PPP2R3A: variants seen among roughly 807,000 people sequenced by gnomAD.
PPP2R3A encodes the protein protein phosphatase 2 regulatory subunit B''alpha.
In PPP2R3A, 80 loss-of-function variants were observed where a neutral mutation model predicts 106.9. The ratio of observed to expected loss-of-function variants is 0.75; its 90% CI spans 0.62 to 0.90. The LOEUF is 0.90. Ranked by LOEUF, PPP2R3A falls within the 40% of genes least tolerant of loss-of-function variation. PPP2R3A has a pLI of 0.00. For missense variants in PPP2R3A, 1,386 were observed against 1,350.4 expected (o/e 1.03, Z -0.41); for synonymous variants, 483 against 468.3 (o/e 1.03, Z -0.41).
chr3:136,073,256 C>T (rs370028309), intron 6 of PPP2R3A, among the ~76,000 whole-genome samples: 1 of 152,228 alleles, frequency 6.6e-6, no homozygotes. Flanking sequence ...CATGAGCCAC[C>T]GCACCCAGCC....
chr3:136,127,528 G>T (rs529888667), intron 13 of PPP2R3A, among the ~76,000 whole-genome samples: 1 of 152,030 alleles, frequency 6.6e-6, no homozygotes, highest in East Asian at 1.9e-4. Flanking sequence ...AAACCAAATC[G>T]ACATCTGATT....
At chr3:135,987,059 C>T (rs1343253449) in intron 1 of PPP2R3A, among the ~76,000 whole-genome samples, 1 of 152,130 alleles carries the variant, frequency 6.6e-6, no homozygotes, top group East Asian at 1.9e-4. Context: ...TTTCTCAACA[C>T]CTATCTGACT....
At chr3:136,078,216 A>C in intron 6 of PPP2R3A, 151 bp from the exon 7 acceptor site, 1 of 627,898 alleles carries the variant, frequency 1.6e-6, no homozygotes, top group South Asian at 1.9e-5. Flanking sequence ...AGATTTAAAA[A>C]TACAGTGCTG....
chr3:136,066,962 T>C lies in PPP2R3A; in HGVS notation c.2470-3516T>C, dbSNP rs1382406989. 3.3e-5 allele frequency among the ~76,000 whole-genome samples: 5 copies of C among 152,220 alleles called. No homozygotes were observed. In the East Asian group the frequency reaches 7.7e-4, roughly 23 times the overall value. On this transcript the variant is annotated intron_variant, in intron 5 of 13. Transcript: ENST00000264977. ...CTTTCTTAACATGATGAAATACATATACCTTAGTGTTAAAGCCAATATCTT... is the reference window on the plus strand; with the variant it reads ...CTTTCTTAACATGATGAAATACATACACCTTAGTGTTAAAGCCAATATCTT...
chr3:136,074,593 GT>G (rs532790025), intron 6 of PPP2R3A, among the ~76,000 whole-genome samples: 162 of 152,334 alleles, frequency 1.1e-3, no homozygotes, highest in African/African-American at 3.6e-3. Flanking sequence ...GCTAACTTGA[GT>G]TTTTAAAATA....
chr3:136,101,500 C>T (rs1001177645), intron 10 of PPP2R3A, among the ~76,000 whole-genome samples: 6 of 152,196 alleles, frequency 3.9e-5, no homozygotes, highest in East Asian at 1.9e-4. Flanking sequence ...TCTTGGCTCA[C>T]TGCACCCTCC....
intron 6 of PPP2R3A, 84 bp downstream of exon 6, chr3:136,070,636 A>T (rs553516428): frequency 8.8e-7 from 1 of 1,130,512 alleles, no homozygotes; most frequent in Non-Finnish European, 1.2e-6. Flanking sequence ...TCAAGTATCT[A>T]TGCAAAAGGT....
intron 1 of PPP2R3A, among the ~76,000 whole-genome samples, chr3:135,998,051 C>T (rs1351691510): frequency 6.6e-6 from 1 of 152,176 alleles, no homozygotes; most frequent in Admixed American, 6.5e-5. Context: ...CATACAAAGG[C>T]CAACTGTGAT....
At chr3:136,054,215 T>C (rs1296899897) in intron 5 of PPP2R3A, among the ~76,000 whole-genome samples, 2 of 150,734 alleles carry the variant, frequency 1.3e-5, no homozygotes, top group East Asian at 3.9e-4. Context: ...GCACATTAAA[T>C]ACTACTTTGC....
At chr3:135,999,920 A>G (rs1933555010) in intron 1 of PPP2R3A, among the ~76,000 whole-genome samples, 1 of 151,792 alleles carries the variant, frequency 6.6e-6, no homozygotes, top group African/African-American at 2.4e-5. Flanking sequence ...ACTACAGGCC[A>G]TGTCATCTCC....
At chr3:136,024,589 A>T (rs1934582461) in intron 2 of PPP2R3A, among the ~76,000 whole-genome samples, 1 of 152,132 alleles carries the variant, frequency 6.6e-6, no homozygotes, top group South Asian at 2.1e-4. Context: ...ATTTCTGTCA[A>T]AGCAAAAGCA....
chr3:136,117,781 G>A (rs910039320), intron 13 of PPP2R3A, among the ~76,000 whole-genome samples: 13 of 152,052 alleles, frequency 8.5e-5, no homozygotes, highest in African/African-American at 2.9e-4. Context: ...ATTAACAGCC[G>A]AATTCTACCA....
At chr3:136,041,238 G>GGTTTTTTTTTTGTT (rs1935260738) in intron 4 of PPP2R3A, among the ~76,000 whole-genome samples, 1 of 92,936 alleles carries the variant, frequency 1.1e-5, no homozygotes, top group African/African-American at 4.5e-5. Flanking sequence ...GGTTTTTCTT[G>GGTTTTTTTTTTGTT]TTTTTTTTTT....
At chr3:136,061,409 C>G (rs1466897833) in intron 5 of PPP2R3A, among the ~76,000 whole-genome samples, 1 of 152,042 alleles carries the variant, frequency 6.6e-6, no homozygotes, top group East Asian at 1.9e-4. Flanking sequence ...GGGCGGATCA[C>G]TTGAGGTCAG....
At chr3:136,084,597 AGATCCACC>A (rs1332432529) in intron 8 of PPP2R3A, among the ~76,000 whole-genome samples, 6 of 152,212 alleles carry the variant, frequency 3.9e-5, no homozygotes, top group Non-Finnish European at 8.8e-5. Context: ...CCAGAATGGT[AGATCCACC>A]AATAGTTTGC....
chr3:136,040,642 C>T lies in PPP2R3A; in HGVS notation c.2263-217C>T, dbSNP rs529418279. 5.3e-5 allele frequency among the ~76,000 whole-genome samples: 8 copies of T among 152,182 alleles called. No individual in the cohort carries two copies. The East Asian group carries it at 5.8e-4, about 11-fold the overall frequency. On this transcript the variant is annotated intron_variant, in intron 3 of 13. Transcript: ENST00000264977. ...CTTGGAGAAAACATAAATGAATTTC[C>T]GTTTTCTTCATTGAACATGTTCTCT...
In PPP2R3A at chr3:136,044,750, C is replaced by T. The variant is rs539324581; in HGVS notation, c.2366+3788C>T. Among the ~76,000 whole-genome samples, 4 of 152,114 alleles carry T rather than the reference C, an allele frequency of 2.6e-5. No homozygotes were observed. The South Asian group carries it at 6.2e-4, about 24-fold the overall frequency. The stretch of plus-strand genomic sequence containing the variant: ...TGGAGAGATGATGCAGTCACTGAGG[C>T]TGAAGAGGGAGGAAACTGAGAACCC... On this transcript the variant is annotated intron_variant, in intron 4 of 13. Coordinates refer to ENST00000264977, the MANE Select transcript of PPP2R3A (RefSeq NM_002718.5).
intron 3 of PPP2R3A, among the ~76,000 whole-genome samples, chr3:136,037,689 A>G (rs561071080): frequency 1.3e-5 from 2 of 152,354 alleles, no homozygotes; most frequent in South Asian, 4.1e-4. Context: ...AGCCTGAGAC[A>G]TCTTTAAATG....
At chr3:136,023,143 G>T (rs1396831551) in intron 2 of PPP2R3A, 1 of 1,613,606 alleles carries the variant, frequency 6.2e-7, no homozygotes, top group East Asian at 2.2e-5. Flanking sequence ...GCAAGGGGCT[G>T]TGATTTTGTT....
Sources: allele counts gnomAD v4.1 joint callset (sites outside exome capture counted in the v4.1 genomes callset), GRCh38; gene constraint gnomAD v4.1.1; transcripts MANE v1.5; gene names NCBI Gene and HGNC (gene_info 2026-07-23, HGNC 2026-07-21).